The following TENM2 variants were observed in gnomAD, a reference collection of about 807,000 sequenced individuals.
The protein encoded by TENM2 is teneurin transmembrane protein 2.
TENM2 carries 52 observed loss-of-function variants against 245.2 expected under a neutral mutation model. That is an observed-to-expected ratio of 0.21 (90% CI 0.17 to 0.27). The LOEUF is 0.27. Among genes scored for constraint, TENM2 ranks in the 10% least tolerant of loss-of-function variants. TENM2 has a pLI of 1.00. For missense variants in TENM2, 3,046 were observed against 3,666.8 expected (o/e 0.83, Z 4.37); for synonymous variants, 1,363 against 1,438.9 (o/e 0.95, Z 1.19).
chr5:168,147,065 C>T (rs1716702733), intron 12 of TENM2, among the ~76,000 whole-genome samples: 1 of 152,264 alleles, frequency 6.6e-6, no homozygotes, highest in Non-Finnish European at 1.5e-5. Context: ...AAAAATGACT[C>T]ACTGCTACTC....
At chr5:168,210,469 G>A (rs1288959576) in intron 19 of TENM2, among the ~76,000 whole-genome samples, 2 of 152,152 alleles carry the variant, frequency 1.3e-5, no homozygotes, top group Non-Finnish European at 2.9e-5. Context: ...ACTGGTGGCA[G>A]ATAACATTTC....
intron 7 of TENM2, among the ~76,000 whole-genome samples, chr5:168,068,136 C>T (rs1329567830): frequency 6.6e-6 from 1 of 152,112 alleles, no homozygotes; most frequent in African/African-American, 2.4e-5. Context: ...GGGCACCCTC[C>T]TGGACAGCTA....
intron 2 of TENM2, among the ~76,000 whole-genome samples, chr5:167,470,060 C>G (rs182861076): frequency 5.3e-5 from 8 of 152,162 alleles, no homozygotes; most frequent in Admixed American, 1.3e-4. Flanking sequence ...TAAAATGTTG[C>G]AATGATCAGC....
chr5:167,007,514 A>C, the TENM2 span, among the ~76,000 whole-genome samples: 2 of 152,214 alleles, frequency 1.3e-5, no homozygotes, highest in Non-Finnish European at 2.9e-5. The surrounding 1 kb of genome is among the most constrained non-coding windows in gnomAD (Gnocchi z 4.2). Flanking sequence ...ATTCTTCACC[A>C]TGCCTCAATC....
chr5:167,517,607 T>TGAGCTGAGAAG (rs1322854480), intron 2 of TENM2, among the ~76,000 whole-genome samples: 2,105 of 152,246 alleles, frequency 0.014, 54 homozygotes, highest in African/African-American at 0.047. Flanking sequence ...AAGGGAGCTC[T>TGAGCTGAGAAG]CTCAGCTGAG....
intron 2 of TENM2, among the ~76,000 whole-genome samples, chr5:167,582,994 G>A (rs1231084837): frequency 6.6e-6 from 1 of 152,156 alleles, no homozygotes; most frequent in Admixed American, 6.5e-5. Flanking sequence ...AGCTAAAATT[G>A]TTGACAGTCC....
intron 4 of TENM2, among the ~76,000 whole-genome samples, chr5:167,963,881 C>A (rs761860266): frequency 6.6e-6 from 1 of 151,978 alleles, no homozygotes; most frequent in Non-Finnish European, 1.5e-5. Context: ...GACAAACAAG[C>A]ATATAAGGGA....
At chr5:168,163,126 G>T (rs1757899898) in intron 13 of TENM2, among the ~76,000 whole-genome samples, 1 of 152,212 alleles carries the variant, frequency 6.6e-6, no homozygotes, top group Non-Finnish European at 1.5e-5. Flanking sequence ...GCTGTCATAA[G>T]CAATGCCTGC....
chr5:168,090,674 T>G, exon 8 of TENM2: 1 of 1,613,878 alleles, frequency 6.2e-7, no homozygotes. Flanking sequence ...AATGAAGCCG[T>G]GTTTGTGCAG....
the TENM2 span, among the ~76,000 whole-genome samples, chr5:167,033,847 CCTAA>C: frequency 6.6e-6 from 1 of 152,228 alleles, no homozygotes; most frequent in South Asian, 2.1e-4. Flanking sequence ...ACTGTCAACA[CCTAA>C]CTGTCATTCA....
intron 5 of TENM2, among the ~76,000 whole-genome samples, chr5:168,035,086 A>T (rs1056921832): frequency 2.6e-5 from 4 of 152,222 alleles, no homozygotes; most frequent in African/African-American, 9.6e-5. Flanking sequence ...GTGCAAAAAA[A>T]ATCTTTTTAC....
chr5:167,736,367 T>G (rs1760797615), intron 2 of TENM2, among the ~76,000 whole-genome samples: 1 of 152,066 alleles, frequency 6.6e-6, no homozygotes, highest in Non-Finnish European at 1.5e-5. Flanking sequence ...CCAAATCATA[T>G]CACAAAGGGA....
chr5:168,252,524 A>G (rs915553203), intron 27 of TENM2, among the ~76,000 whole-genome samples: 3 of 151,518 alleles, frequency 2.0e-5, no homozygotes, highest in Admixed American at 2.0e-4. Context: ...GTTCTCTCTC[A>G]TATTAGAACC....
At chr5:167,683,215 T>A (rs1216093578) in intron 2 of TENM2, among the ~76,000 whole-genome samples, 2 of 151,884 alleles carry the variant, frequency 1.3e-5, no homozygotes, top group African/African-American at 4.8e-5. Flanking sequence ...ATTGCCTGTA[T>A]CCTCTAATAT....
chr5:168,153,063 G>C (rs971620786), intron 12 of TENM2, among the ~76,000 whole-genome samples: 4 of 152,146 alleles, frequency 2.6e-5, no homozygotes, highest in Non-Finnish European at 5.9e-5. Flanking sequence ...TCATTCAACA[G>C]ATATCTTTAA....
intron 2 of TENM2, among the ~76,000 whole-genome samples, chr5:167,438,985 C>T (rs1764735040): frequency 2.0e-5 from 3 of 151,144 alleles, no homozygotes; most frequent in Non-Finnish European, 2.9e-5. Context: ...AGTAGAAACG[C>T]GTTTCACTAT....
At chr5:168,102,056 TGTG>T (rs1369658725) in intron 9 of TENM2, among the ~76,000 whole-genome samples, 3 of 36,532 alleles carry the variant, frequency 8.2e-5, no homozygotes, top group African/African-American at 2.9e-4. Context: ...TTTGTTTTTG[TGTG>T]TGTGTGTGTG....
chr5:167,538,804 G>A (rs1396724487), intron 2 of TENM2, among the ~76,000 whole-genome samples: 1 of 152,158 alleles, frequency 6.6e-6, no homozygotes, highest in Non-Finnish European at 1.5e-5. Context: ...GTTTCCAGCA[G>A]TCTCTGAGAC....
intron 25 of TENM2, among the ~76,000 whole-genome samples, chr5:168,230,154 G>A (rs896554189): frequency 6.6e-6 from 1 of 152,166 alleles, no homozygotes; most frequent in African/African-American, 2.4e-5. Context: ...CTGAATTTCT[G>A]CCAGGGTTAG....
Sources: gnomAD v4.1 joint callset for allele counts (sites outside exome capture counted in the v4.1 genomes callset) on GRCh38, gnomAD v4.1.1 for gene constraint, Gnocchi (gnomAD v3.1) non-coding constraint, MANE v1.5 for transcripts, NCBI Gene and HGNC (gene_info 2026-07-23, HGNC 2026-07-21) for gene names.